RGS6: variants seen among roughly 807,000 people sequenced by gnomAD.
RGS6 encodes regulator of G protein signaling 6, also known as regulator of G-protein signaling 6.
A neutral mutation model predicts 78.5 loss-of-function variants in RGS6; 30 were observed. The observed-to-expected ratio is 0.38, with a 90% confidence interval of 0.29 to 0.52. The LOEUF is 0.52. RGS6 is among the 20% of genes least tolerant of loss of function. The pLI is 0.85. For missense variants in RGS6, 495 were observed against 609.7 expected, an observed-to-expected ratio of 0.81 and a Z score of 1.98; for synonymous variants, 206 against 206.0, an observed-to-expected ratio of 1.00 and a Z score of 0.00.
At chr14:72,603,720 G>A in the RGS6 span, among the ~76,000 whole-genome samples, 1 of 152,308 alleles carries the variant, frequency 6.6e-6, no homozygotes, top group African/African-American at 2.4e-5. Flanking sequence ...ATAAGAGGTT[G>A]GAGCCTCAGA....
At chr14:72,476,319 A>G (rs1385820317) in intron 10 of RGS6, among the ~76,000 whole-genome samples, 1 of 152,160 alleles carries the variant, frequency 6.6e-6, no homozygotes, top group African/African-American at 2.4e-5. Context: ...TGGCTCTTGA[A>G]CTTTCTTTAT....
intron 2 of RGS6, among the ~76,000 whole-genome samples, chr14:72,144,556 G>A (rs1186134186): frequency 1.3e-5 from 2 of 152,008 alleles, no homozygotes; most frequent in African/African-American, 2.4e-5. Context: ...CCATTTATTC[G>A]TATTTATCGA....
At chr14:72,598,011 A>C in the RGS6 span, among the ~76,000 whole-genome samples, 2 of 152,216 alleles carry the variant, frequency 1.3e-5, no homozygotes, top group Non-Finnish European at 2.9e-5. Flanking sequence ...CGTGGCCTTG[A>C]GTGGGTGTCT....
the RGS6 span, among the ~76,000 whole-genome samples, chr14:72,588,458 A>G: frequency 7.9e-5 from 12 of 152,320 alleles, no homozygotes; most frequent in Non-Finnish European, 1.5e-4. Context: ...GATGTTCTGC[A>G]TCATCAGTTT....
At chr14:71,884,171 C>G in the RGS6 span, among the ~76,000 whole-genome samples, 1 of 152,184 alleles carries the variant, frequency 6.6e-6, no homozygotes, top group Admixed American at 6.5e-5. Context: ...TCATCTCTCC[C>G]AGTGTCGTTG....
chr14:72,005,118 T>C (rs2153224584), intron 2 of RGS6, among the ~76,000 whole-genome samples: 1 of 152,322 alleles, frequency 6.6e-6, no homozygotes, highest in South Asian at 2.1e-4. Flanking sequence ...AATAAAATAT[T>C]GGTTAAATAA....
chr14:72,191,533 G>C (rs1420857632), intron 2 of RGS6, among the ~76,000 whole-genome samples: 1 of 152,240 alleles, frequency 6.6e-6, no homozygotes, highest in African/African-American at 2.4e-5. Flanking sequence ...GATGAAGGAA[G>C]AGCAAAGGGA....
At chr14:72,397,547 C>T (rs1171910536) in intron 3 of RGS6, among the ~76,000 whole-genome samples, 1 of 152,168 alleles carries the variant, frequency 6.6e-6, no homozygotes, top group African/African-American at 2.4e-5. Flanking sequence ...TTATTTCCTT[C>T]TCCTGCCTGA....
At chr14:72,559,873 T>C (rs2097646881) in intron 17 of RGS6, among the ~76,000 whole-genome samples, 1 of 151,688 alleles carries the variant, frequency 6.6e-6, no homozygotes. Context: ...AGGGGAAGGG[T>C]TGAGGGTATG....
chr14:72,365,291 T>C (rs560867273), intron 3 of RGS6, among the ~76,000 whole-genome samples: 1 of 152,274 alleles, frequency 6.6e-6, no homozygotes, highest in East Asian at 1.9e-4. Context: ...AATTTATGGG[T>C]ACTGAGGATA....
chr14:72,316,844 A>C (rs1005802364), intron 2 of RGS6, among the ~76,000 whole-genome samples: 2 of 151,726 alleles, frequency 1.3e-5, no homozygotes, highest in Non-Finnish European at 2.9e-5. Flanking sequence ...GCCATCTGGT[A>C]GCTACTAGCT....
At chr14:72,582,945 TA>T in the RGS6 span, among the ~76,000 whole-genome samples, 3,166 of 142,294 alleles carry the variant, frequency 0.022, 85 homozygotes, top group African/African-American at 0.071. Context: ...GTGGACTGAG[TA>T]AAAAAAAAAA....
intron 14 of RGS6, among the ~76,000 whole-genome samples, chr14:72,517,175 A>T (rs980220136): frequency 1.3e-5 from 2 of 151,018 alleles, no homozygotes; most frequent in Non-Finnish European, 2.9e-5. Flanking sequence ...CTTACTTTGG[A>T]TGAAATTTGA....
At chr14:72,085,213 T>A (rs940381613) in intron 2 of RGS6, among the ~76,000 whole-genome samples, 1 of 152,200 alleles carries the variant, frequency 6.6e-6, no homozygotes, top group African/African-American at 2.4e-5. Flanking sequence ...TATTAACATT[T>A]ATCGACCACT....
chr14:72,180,981 A>G (rs897865904), intron 2 of RGS6, among the ~76,000 whole-genome samples: 2 of 152,314 alleles, frequency 1.3e-5, no homozygotes, highest in South Asian at 2.1e-4. Context: ...ACAGACTAAG[A>G]CAGTGTAAGA....
At chr14:72,183,846 G>C (rs1356649625) in intron 2 of RGS6, among the ~76,000 whole-genome samples, 1 of 152,134 alleles carries the variant, frequency 6.6e-6, no homozygotes, top group Non-Finnish European at 1.5e-5. Context: ...AAGGAGTATA[G>C]TAAGCTTTGG....
At chr14:72,109,482 T>A (rs1043616499) in intron 2 of RGS6, among the ~76,000 whole-genome samples, 1 of 152,218 alleles carries the variant, frequency 6.6e-6, no homozygotes, top group Admixed American at 6.5e-5. Flanking sequence ...TTGAGAGATA[T>A]AGCATTTTTG....
chr14:72,293,670 C>T (rs1264256419), intron 2 of RGS6, among the ~76,000 whole-genome samples: 2 of 152,182 alleles, frequency 1.3e-5, no homozygotes, highest in Non-Finnish European at 2.9e-5. Context: ...ACCCTTTCAG[C>T]TCCAATAGTT....
chr14:72,214,878 A>G (rs1326774948), intron 2 of RGS6, among the ~76,000 whole-genome samples: 3 of 152,348 alleles, frequency 2.0e-5, no homozygotes. Flanking sequence ...ACAGAGCAAT[A>G]TGATAGAGAA....
Sources: allele counts gnomAD v4.1 joint callset (sites outside exome capture counted in the v4.1 genomes callset), GRCh38; gene constraint gnomAD v4.1.1; transcripts MANE v1.5; gene names NCBI Gene and HGNC (gene_info 2026-07-23, HGNC 2026-07-21).